SEMA5B: variants seen among roughly 807,000 people sequenced by gnomAD.
SEMA5B encodes semaphorin-5B.
A neutral mutation model predicts 135.0 loss-of-function variants in SEMA5B; 66 were observed. That is an observed-to-expected ratio of 0.49 (90% CI 0.40 to 0.60). SEMA5B has a LOEUF of 0.60. Ranked by LOEUF, SEMA5B falls within the 20% of genes least tolerant of loss-of-function variation. SEMA5B has a pLI of 0.00. For synonymous variants in SEMA5B, 690 were observed against 639.5 expected (o/e 1.08, Z -1.19); for missense variants, 1,501 against 1,566.3 (o/e 0.96, Z 0.70).
At position 122,948,616 on chromosome 3, in the gene SEMA5B, C is replaced by A; in HGVS notation, c.218G>T (p.Ser73Ile). The A allele has an allele frequency of 6.2e-7, 1 of 1,613,998 alleles. No homozygotes were observed. Among genetic ancestry groups the A allele is most frequent in the East Asian group, 2.2e-5 (1 of 44,870 alleles). ...GAGGTGGGACACCAGCAGTGTGAGG[C>A]TGGGCAGCAACAGCGAGACAGCCAG... is the stretch of plus-strand genomic sequence containing the variant. Reference protein sequence around the residue: ...GPLAVSLLLPSLTLLVSHLSS... With the variant: ...GPLAVSLLLPILTLLVSHLSS... Residue 73 changes from serine (S) to isoleucine (I), a missense_variant, in exon 3 of 23, where the codon AGC becomes ATC. Physicochemically the swap from Ser to Ile is moderately radical, Grantham distance 142. Coordinates refer to ENST00000357599, the MANE Select transcript of SEMA5B (RefSeq NM_001031702.4).
At position 122,926,488 on chromosome 3, in the gene SEMA5B, G is replaced by C; in HGVS notation, c.1040C>G (p.Ser347Cys). Residue 347 changes from serine to cysteine, a missense_variant, in exon 9 of 23, where the codon TCC becomes TGC. Physicochemically the swap from Ser to Cys is moderately radical, Grantham distance 112. This residue lies in a region of SEMA5B where 574 missense variants were observed against 684.7 expected (regional missense o/e 0.84). Transcript: ENST00000357599. ...TTFMKARLNC[S>C]RPGEVPFYYN... is the part of the protein sequence containing the mutation. ...GTAGAAGGGGACCTCGCCCGGGCGG[G>C]AGCAGTTGAGCCGGGCCTTCATGAA... The C allele has an allele frequency of 6.2e-7, 1 of 1,614,236 alleles. No homozygotes were observed. Among genetic ancestry groups the C allele is most frequent in the East Asian group, 2.2e-5 (1 of 44,878 alleles).
intron 2 of SEMA5B, among the ~76,000 whole-genome samples, chr3:122,954,755 C>T (rs180927664): frequency 3.3e-5 from 5 of 150,916 alleles, no homozygotes; most frequent in African/African-American, 9.7e-5. Flanking sequence ...GCAGGGGAAA[C>T]TGGAACAGAA....
At chr3:122,966,554 A>ATTTTTTTT (rs1335935235) in intron 1 of SEMA5B, among the ~76,000 whole-genome samples, 5 of 147,062 alleles carry the variant, frequency 3.4e-5, no homozygotes, top group African/African-American at 1.3e-4. Flanking sequence ...TATTATTATT[A>ATTTTTTTT]TTATTATTAT....
At chr3:123,018,830 C>A (rs1182726059) in intron 1 of SEMA5B, among the ~76,000 whole-genome samples, 1 of 152,148 alleles carries the variant, frequency 6.6e-6, no homozygotes, top group Non-Finnish European at 1.5e-5. Context: ...AAGTAGCACC[C>A]AAATTCTTCC....
At chr3:122,917,517 G>A (rs1938130279) in intron 12 of SEMA5B, among the ~76,000 whole-genome samples, 1 of 152,158 alleles carries the variant, frequency 6.6e-6, no homozygotes, top group Non-Finnish European at 1.5e-5. Flanking sequence ...CCTGTCAGGT[G>A]AATTCTTAAC....
intron 8 of SEMA5B, 27 bp from the exon 9 acceptor site, chr3:122,926,704 G>T (rs1192696526): frequency 1.2e-6 from 2 of 1,604,146 alleles, no homozygotes; most frequent in Non-Finnish European, 1.7e-6. Context: ...GGAACAAGGG[G>T]CAGGGCAGGC....
At chr3:123,002,269 A>G (rs1185340689) in intron 1 of SEMA5B, among the ~76,000 whole-genome samples, 1 of 152,216 alleles carries the variant, frequency 6.6e-6, no homozygotes, top group Non-Finnish European at 1.5e-5. Flanking sequence ...AACTTTCACT[A>G]TTCCATTAAC....
At position 122,944,622 on chromosome 3, in the gene SEMA5B, T is replaced by C. The variant is rs184361278; in HGVS notation, c.329-1087A>G. ...TTGGGCGGTCAGTGTCCACCCTGCC[T>C]CCAAGGAAGGTTGTTCCCAATCAAG... is the stretch of plus-strand genomic sequence containing the variant. On this transcript the variant is annotated intron_variant, in intron 3 of 22. Transcript: ENST00000357599. Among the ~76,000 whole-genome samples, 258 of 152,298 alleles carry C rather than the reference T, an allele frequency of 1.7e-3. 1 individual carries two copies. The highest frequency in any genetic ancestry group is 5.5e-3 in the African/African-American group (227 of 41,540).
chr3:122,992,569 C>A (rs748583933), intron 1 of SEMA5B, among the ~76,000 whole-genome samples: 1 of 152,150 alleles, frequency 6.6e-6, no homozygotes, highest in East Asian at 1.9e-4. Flanking sequence ...TCTCCTGACT[C>A]CTGAGAAAAA....
At position 122,913,893 on chromosome 3, in the gene SEMA5B, C is replaced by A; in HGVS notation, c.2097G>T (p.Gly699=). Residue 699 remains glycine (G), a synonymous_variant, in exon 15 of 23, where the codon GGG becomes GGT. Transcript: ENST00000357599. ...GGCTCTTGCCCACGCAGATGCGGCC[C>A]CCGTGGCGGGGAGCAGGGTTGCTGC... is the stretch of plus-strand genomic sequence containing the variant. ...RSCSNPAPRH[G]GRICVGKSRE... 1 of 1,612,430 alleles carries A rather than the reference C, an allele frequency of 6.2e-7. No individual in the cohort carries two copies. Among genetic ancestry groups the A allele is most frequent in the South Asian group, 1.1e-5 (1 of 90,926 alleles).
intron 12 of SEMA5B, 135 bp from the exon 13 acceptor site, chr3:122,916,025 T>C (rs1560287631): frequency 2.9e-6 from 2 of 683,484 alleles, no homozygotes; most frequent in Admixed American, 2.2e-5. Context: ...TGAAGTTCAT[T>C]GGGCCTTTAC....
At chr3:123,026,973 A>G (rs1444815) in intron 1 of SEMA5B, 109,951 of 154,354 alleles carry the variant, frequency 0.71, 40,418 homozygotes, top group African/African-American at 0.89. Flanking sequence ...GCGGTGGAGC[A>G]GGGACGTCCC....
chr3:122,916,041 G>A (rs1358900267), intron 12 of SEMA5B, 151 bp from the exon 13 acceptor site: 1 of 633,868 alleles, frequency 1.6e-6, no homozygotes, highest in African/African-American at 1.8e-5. Flanking sequence ...TTTACTGTGT[G>A]TAAGGCATCA....
chr3:123,026,626 C>T (rs1056447184), intron 1 of SEMA5B, among the ~76,000 whole-genome samples: 6 of 152,230 alleles, frequency 3.9e-5, no homozygotes, highest in African/African-American at 7.2e-5. Context: ...GCGCGGGTCC[C>T]CGATCCCCTC....
At chr3:122,999,514 C>A (rs1281080106) in intron 1 of SEMA5B, among the ~76,000 whole-genome samples, 3 of 151,886 alleles carry the variant, frequency 2.0e-5, no homozygotes, top group Admixed American at 6.6e-5. Flanking sequence ...AGTGAGCCAC[C>A]ATGCCCGGCC....
Position 122,911,039 on chromosome 3 carries a change from T to C in SEMA5B, c.3098A>G (p.Asn1033Ser), listed in dbSNP as rs1937667030. ...GCCCGTGGCCACCAAGTGGATGAGA[T>C]TGAACCCTAGGGGAAGAGAGGCAGG... is the stretch of plus-strand genomic sequence containing the variant. ...MEEATDCAGF[N>S]LIHLVATGIS... The change falls in exon 22 of 23, where the codon AAT (asparagine) becomes AGT (serine). Residue 1033 changes from asparagine to serine, a missense_variant. Physicochemically the swap from Asn to Ser is conservative, Grantham distance 46. Around this residue, in one of 2 missense-constraint regions of SEMA5B, gnomAD observed 927 missense variants for 881.6 expected, o/e 1.05. Coordinates refer to ENST00000357599, the MANE Select transcript of SEMA5B (RefSeq NM_001031702.4). 1.9e-6 allele frequency: 3 copies of C among 1,611,706 alleles called. No individual in the cohort carries two copies. Among genetic ancestry groups the C allele is most frequent in the South Asian group, 1.1e-5 (1 of 91,000 alleles).
At chr3:122,954,154 G>C (rs1203110815) in intron 2 of SEMA5B, among the ~76,000 whole-genome samples, 1 of 152,204 alleles carries the variant, frequency 6.6e-6, no homozygotes, top group East Asian at 1.9e-4. Flanking sequence ...CAAGCTGCTG[G>C]CCTCAAGTAA....
rs1261265140 is a variant in SEMA5B at position 122,961,234 on chromosome 3, A to C, written c.30T>G (p.Val10=). The change falls in exon 2 of 23, where the codon GTT becomes GTG. Residue 10 remains valine, a synonymous_variant. Transcript: ENST00000357599. ...GCGGCCCAGGGACGAGGTGGTGGGC[A>C]ACAGGAGACGGACTGAAGCCACAGG... MPCGFSPSP[V]AHHLVPGPPD... 6.2e-7 allele frequency: 1 copy of C among 1,614,088 alleles called. No homozygotes were observed. Among genetic ancestry groups the C allele is most frequent in the East Asian group, 2.2e-5 (1 of 44,872 alleles).
At position 122,910,436 on chromosome 3, in the gene SEMA5B, C is replaced by T. The variant is rs529188548; in HGVS notation, c.3298-135G>A. 3.8e-5 allele frequency: 34 copies of T among 890,136 alleles called. 1 individual carries two copies. The East Asian group carries it at 8.0e-4, about 21-fold the overall frequency. 55.1% of individuals were successfully genotyped at this position (890,136 alleles called of 1,614,324 possible). ...GGATCCAGTGCTCTGTTCACACCAC[C>T]ACTGCCCAGTTCCACCCAGCTGAGG... On this transcript the variant is annotated intron_variant, in intron 22 of 22. Coordinates refer to ENST00000357599, the MANE Select transcript of SEMA5B (RefSeq NM_001031702.4).
Sources: allele counts gnomAD v4.1 joint callset (sites outside exome capture counted in the v4.1 genomes callset), GRCh38; gene constraint gnomAD v4.1.1; regional missense constraint gnomAD v4.1.1; transcripts MANE v1.5; gene names NCBI Gene and HGNC (gene_info 2026-07-23, HGNC 2026-07-21).